Variants in FHOD3 observed in about 807,000 individuals in gnomAD.
The protein encoded by FHOD3 is FH1/FH2 domain-containing protein 3.
Under a neutral mutation model 173.0 loss-of-function variants are expected in FHOD3, and 90 were observed. That is an observed-to-expected ratio of 0.52 (90% CI 0.44 to 0.62). FHOD3 has a LOEUF of 0.62. Among genes scored for constraint, FHOD3 ranks in the 20% least tolerant of loss-of-function variants. The pLI is 0.00. For synonymous variants in FHOD3, 828 were observed against 823.0 expected, an observed-to-expected ratio of 1.01 and a Z score of -0.10; for missense variants, 1,945 against 2,034.7, an observed-to-expected ratio of 0.96 and a Z score of 0.85.
At chr18:36,725,585 A>T (rs996403161) in intron 19 of FHOD3, among the ~76,000 whole-genome samples, 2 of 152,102 alleles carry the variant, frequency 1.3e-5, no homozygotes, top group African/African-American at 4.8e-5. Flanking sequence ...ATCATACCCA[A>T]GTCAGCAAGG....
At chr18:36,642,656 G>C (rs2035413775) in intron 10 of FHOD3, among the ~76,000 whole-genome samples, 1 of 143,940 alleles carries the variant, frequency 6.9e-6, no homozygotes, top group Non-Finnish European at 1.5e-5. Flanking sequence ...ATAATCCTTT[G>C]TTCATGACAC....
At chr18:36,753,144 T>C (rs1600564477) in intron 24 of FHOD3, among the ~76,000 whole-genome samples, 1 of 152,278 alleles carries the variant, frequency 6.6e-6, no homozygotes, top group Non-Finnish European at 1.5e-5. Flanking sequence ...ATTCTACACA[T>C]GGGGAACAGC....
chr18:36,483,377 C>T (rs561591355), intron 3 of FHOD3, among the ~76,000 whole-genome samples: 2 of 152,286 alleles, frequency 1.3e-5, no homozygotes, highest in South Asian at 4.1e-4. Flanking sequence ...TCAGCACAGC[C>T]AACCACTGTC....
At chr18:36,712,816 A>G (rs2040240751) in intron 18 of FHOD3, among the ~76,000 whole-genome samples, 2 of 151,744 alleles carry the variant, frequency 1.3e-5, no homozygotes. Context: ...CCAAGACATG[A>G]TAATCAAACT....
At chr18:36,356,018 G>A (rs1249745897) in intron 2 of FHOD3, among the ~76,000 whole-genome samples, 1 of 152,206 alleles carries the variant, frequency 6.6e-6, no homozygotes, top group Admixed American at 6.5e-5. Flanking sequence ...GATCGCTTGA[G>A]TCTGGGAGGC....
intron 3 of FHOD3, among the ~76,000 whole-genome samples, chr18:36,486,611 A>G (rs1413540825): frequency 6.6e-6 from 1 of 152,222 alleles, no homozygotes; most frequent in African/African-American, 2.4e-5. Flanking sequence ...ATTTAAGGTC[A>G]ATATTTAAGA....
intron 1 of FHOD3, among the ~76,000 whole-genome samples, chr18:36,303,099 C>G (rs2091997553): frequency 6.6e-6 from 1 of 152,196 alleles, no homozygotes; most frequent in Admixed American, 6.5e-5. Context: ...TGAACTTATG[C>G]TGGAGGCTGC....
chr18:36,509,946 A>C (rs561055163), intron 4 of FHOD3, among the ~76,000 whole-genome samples: 9 of 152,318 alleles, frequency 5.9e-5, no homozygotes, highest in African/African-American at 2.2e-4. Context: ...ACATGTGCGC[A>C]AAAACAGCAC....
chr18:36,389,881 A>G (rs1370762283), intron 3 of FHOD3, among the ~76,000 whole-genome samples: 1 of 152,086 alleles, frequency 6.6e-6, no homozygotes, highest in Admixed American at 6.5e-5. Context: ...TGAGTGTCCT[A>G]TTCTGAGGAC....
At chr18:36,420,086 T>G (rs1186090925) in intron 3 of FHOD3, among the ~76,000 whole-genome samples, 2 of 152,200 alleles carry the variant, frequency 1.3e-5, no homozygotes, top group Non-Finnish European at 2.9e-5. Context: ...AAGCTGAGCT[T>G]CTCTTGGAAT....
chr18:36,610,392 T>C (rs1237087381), intron 8 of FHOD3, among the ~76,000 whole-genome samples: 2 of 152,244 alleles, frequency 1.3e-5, no homozygotes, highest in African/African-American at 4.8e-5. Context: ...AAGGCAGCCC[T>C]GATGACCGTT....
chr18:36,694,972 C>T lies in FHOD3; in HGVS notation c.2236+1549C>T, dbSNP rs559222229. On this transcript the variant is annotated intron_variant, in intron 17 of 28. Coordinates refer to ENST00000590592, the MANE Select transcript of FHOD3 (RefSeq NM_001281740.3). The stretch of plus-strand genomic sequence containing the variant: ...ACAGAAAATAGTCATTTCATGTATA[C>T]GTGGGTGTGTGTGTGTGTGTGTGTG... Among the ~76,000 whole-genome samples, 1,154 of 118,170 alleles carry T rather than the reference C, an allele frequency of 9.8e-3. 11 individuals are homozygous for T. The highest frequency in any genetic ancestry group is 0.017 in the Middle Eastern group (4 of 234). The allele number at this position is 118,170 out of a possible 152,430, so 77.5% of individuals were successfully genotyped here. A position where few individuals can be genotyped will look rare whatever the true frequency, so the allele number is the denominator to read the frequency against.
intron 1 of FHOD3, among the ~76,000 whole-genome samples, chr18:36,348,093 T>C (rs953929140): frequency 1.3e-5 from 2 of 152,332 alleles, no homozygotes; most frequent in Admixed American, 1.3e-4. Context: ...GTGTTGGTTT[T>C]ATTAAGACTT....
At chr18:36,603,774 G>A (rs1395229301) in intron 8 of FHOD3, among the ~76,000 whole-genome samples, 1 of 152,166 alleles carries the variant, frequency 6.6e-6, no homozygotes, top group Non-Finnish European at 1.5e-5. Flanking sequence ...AAAGTGCTGG[G>A]ATTACAGGCG....
At chr18:36,316,337 T>C (rs755359542) in intron 1 of FHOD3, among the ~76,000 whole-genome samples, 7 of 152,158 alleles carry the variant, frequency 4.6e-5, no homozygotes, top group Admixed American at 1.3e-4. Context: ...TGCTTCTGCC[T>C]CCTGGGGTGT....
At chr18:36,611,164 C>T (rs950304617) in intron 8 of FHOD3, among the ~76,000 whole-genome samples, 8 of 152,226 alleles carry the variant, frequency 5.3e-5, no homozygotes, top group Non-Finnish European at 1.0e-4. Context: ...AATTTAAATA[C>T]AGTTTAATAA....
intron 3 of FHOD3, among the ~76,000 whole-genome samples, chr18:36,457,704 G>A (rs1347979936): frequency 6.6e-6 from 1 of 152,084 alleles, no homozygotes; most frequent in Non-Finnish European, 1.5e-5. Context: ...CTCCTGAAGT[G>A]TTTTTTTCTC....
rs1013699498 is a variant in FHOD3, at chr18:36,540,884, G to T, written c.511+28341G>T. On this transcript the variant is annotated intron_variant, in intron 5 of 28. Transcript: ENST00000590592. ...TCCTCTTCTCCATATTGGTGTACCC[G>T]CAACAACAGTAAATGTGTTTGGTTC... 5.9e-5 allele frequency among the ~76,000 whole-genome samples: 9 copies of T among 152,238 alleles called. No homozygotes were observed. In the East Asian group the frequency reaches 1.7e-3, roughly 29 times the overall value.
intron 7 of FHOD3, among the ~76,000 whole-genome samples, chr18:36,600,751 G>T (rs752018897): frequency 6.6e-6 from 1 of 152,160 alleles, no homozygotes; most frequent in Non-Finnish European, 1.5e-5. Context: ...GCCTGCCATT[G>T]TTCCTTGGCC....
Sources: gnomAD v4.1 joint callset for allele counts (sites outside exome capture counted in the v4.1 genomes callset) on GRCh38, gnomAD v4.1.1 for gene constraint, MANE v1.5 for transcripts, NCBI Gene and HGNC (gene_info 2026-07-23, HGNC 2026-07-21) for gene names.